The following SLC25A46 variants were observed in gnomAD, a reference collection of about 807,000 sequenced individuals.
SLC25A46 encodes the protein solute carrier family 25 member 46, also known as mitochondrial outer membrane protein SLC25A46.
Under a neutral mutation model 44.6 loss-of-function variants are expected in SLC25A46, and 39 were observed. The observed-to-expected ratio is 0.87, with a 90% confidence interval of 0.68 to 1.14. The LOEUF (loss-of-function observed/expected upper bound fraction) is 1.14, where lower values mean the gene tolerates loss of function less well. Among genes scored for constraint, SLC25A46 ranks in the 50% most tolerant of loss-of-function variants. SLC25A46 has a pLI of 0.00. For missense variants in SLC25A46, 547 were observed against 522.7 expected (o/e 1.05, Z -0.45); for synonymous variants, 202 against 185.8 (o/e 1.09, Z -0.71).
chr5:110,759,525 G>A (rs1237917378), intron 7 of SLC25A46, among the ~76,000 whole-genome samples: 6 of 152,208 alleles, frequency 3.9e-5, no homozygotes, highest in African/African-American at 1.4e-4. Flanking sequence ...AAACTCTCAA[G>A]TGGGACTGTG....
rs116306815 is a variant in SLC25A46 at position 110,739,762 on chromosome 5, A to G, written c.283+360A>G. ...TTTTCTTGATTTAATTAATTAATTA[A>G]TGTGTTTACTTGTAGTTTTGTGTTC... is the stretch of plus-strand genomic sequence containing the variant. On this transcript the variant is annotated intron_variant, in intron 1 of 7. Transcript: ENST00000355943. Among the ~76,000 whole-genome samples the G allele has an allele frequency of 6.9e-3, 1,047 of 151,468 alleles. 16 individuals carry two copies. The highest frequency in any genetic ancestry group is 0.024 in the African/African-American group (1,007 of 41,438).
rs756258729 is a variant in SLC25A46 at position 110,743,774 on chromosome 5, G to A, written c.371G>A (p.Arg124His). 2.6e-5 allele frequency: 41 copies of A among 1,604,410 alleles called. No homozygotes were observed. Among genetic ancestry groups the A allele is most frequent in the Non-Finnish European group, 3.4e-5 (40 of 1,174,154 alleles). The change falls in exon 3 of 8, where the codon CGC becomes CAC. Residue 124 changes from arginine (R) to histidine (H), a missense_variant. Arg to His is a conservative substitution (Grantham distance 29). Transcript: ENST00000355943. ...NVLAHPCIVL[R>H]RQCQVNYHAQ... ...TTGGCACATCCTTGCATTGTTCTAC[G>A]CCGCCAATGTCAGGTAAATGTAATT...
In SLC25A46 at chr5:110,761,070, TAA is replaced by T. The variant is rs1284329417; in HGVS notation, c.679-132_679-131del. The T allele has an allele frequency of 2.9e-6, 2 of 696,094 alleles. No homozygotes were observed. Among genetic ancestry groups the T allele is most frequent in the Admixed American group, 2.9e-5 (1 of 34,026 alleles). 43.1% of individuals were successfully genotyped at this position (696,094 alleles called of 1,614,324 possible). ...AAAAATCTGATGCCTAGATAACAGT[TAA>T]AGTCTGCAAATCATGGATGTTTCCC... On this transcript the variant is annotated intron_variant, in intron 7 of 7. Transcript: ENST00000355943. The surrounding 1 kb of genome is among the most constrained non-coding windows in gnomAD (Gnocchi z 5.3).
intron 4 of SLC25A46, among the ~76,000 whole-genome samples, chr5:110,746,903 G>A (rs1364358712): frequency 3.3e-5 from 5 of 152,092 alleles, no homozygotes; most frequent in African/African-American, 7.2e-5. Flanking sequence ...TTGAAGTGGG[G>A]GTTGAAGAGT....
chr5:110,746,544 A>G (rs2150410528), intron 4 of SLC25A46, among the ~76,000 whole-genome samples, 198 bp downstream of exon 4: 1 of 152,320 alleles, frequency 6.6e-6, no homozygotes. Flanking sequence ...ATTTAGCAAA[A>G]CCACAAAGAG....
chr5:110,738,956 T>C (rs1799506509), upstream of SLC25A46: 1 of 1,442,212 alleles, frequency 6.9e-7, no homozygotes, highest in Non-Finnish European at 9.1e-7. Context: ...GAAGAGGCTA[T>C]AATCACGTGC....
At position 110,750,965 on chromosome 5, in the gene SLC25A46, A is replaced by G. The variant is rs184542059; in HGVS notation, c.563+2702A>G. Among the ~76,000 whole-genome samples, 136 of 152,338 alleles carry G rather than the reference A, an allele frequency of 8.9e-4. 1 individual carries two copies. The highest frequency in any genetic ancestry group is 6.9e-4 in the Non-Finnish European group (47 of 68,028). On this transcript the variant is annotated intron_variant, in intron 5 of 7. Transcript: ENST00000355943. ...AAGGCATAGGACTTTATAAAATTTT[A>G]TCATCTAACTTTCTTACTCAGTAGA...
intron 5 of SLC25A46, among the ~76,000 whole-genome samples, chr5:110,751,277 A>G (rs1331684003): frequency 6.6e-6 from 1 of 152,222 alleles, no homozygotes; most frequent in African/African-American, 2.4e-5. Flanking sequence ...TCCATTAATG[A>G]ATAATTGCAA....
chr5:110,741,516 G>A (rs1799689645), intron 1 of SLC25A46, among the ~76,000 whole-genome samples: 1 of 152,200 alleles, frequency 6.6e-6, no homozygotes. Context: ...GTCAGTAACA[G>A]TGAATAACTA....
Position 110,762,306 on chromosome 5 carries a change from A to C in SLC25A46, c.*524A>C, listed in dbSNP as rs1360405413. 1.3e-5 allele frequency: 2 copies of C among 153,200 alleles called. No homozygotes were observed. 9.5% of individuals were successfully genotyped at this position (153,200 alleles called of 1,614,324 possible). ...TTGGCAATCTGTAAGCAGGAGTATA[A>C]ATGTTTTAAATTGCATTGTCCCTAT... On this transcript the variant is annotated 3_prime_UTR_variant, in exon 8 of 8. Transcript: ENST00000355943.
chr5:110,758,199 T>C (rs939512500), intron 7 of SLC25A46, among the ~76,000 whole-genome samples: 3 of 152,142 alleles, frequency 2.0e-5, no homozygotes, highest in East Asian at 3.9e-4. Context: ...CCATCTCTTG[T>C]CTTATACCTT....
At chr5:110,745,030 C>T (rs566115841) in intron 3 of SLC25A46, among the ~76,000 whole-genome samples, 11 of 152,238 alleles carry the variant, frequency 7.2e-5, no homozygotes, top group African/African-American at 2.2e-4. Context: ...ACTGTAAGTA[C>T]GAAAATACAG....
At chr5:110,749,584 A>T (rs1163707176) in intron 5 of SLC25A46, among the ~76,000 whole-genome samples, 1 of 152,056 alleles carries the variant, frequency 6.6e-6, no homozygotes, top group African/African-American at 2.4e-5. Context: ...ATAGCATAAG[A>T]TGTAGGACAA....
chr5:110,755,920 C>T (rs990223462), intron 6 of SLC25A46: 1 of 153,182 alleles, frequency 6.5e-6, no homozygotes, highest in Non-Finnish European at 1.5e-5. Flanking sequence ...CCTGAAGGCA[C>T]TTAGTGATTT....
At chr5:110,756,811 C>T (rs748322449) in intron 7 of SLC25A46, 52 bp downstream of exon 7, 2 of 1,324,784 alleles carry the variant, frequency 1.5e-6, no homozygotes, top group Non-Finnish European at 2.0e-6. Context: ...AGTTTTTTGA[C>T]TATTCAGTAT....
In SLC25A46 at chr5:110,743,746, G is replaced by A; in HGVS notation, c.343G>A (p.Val115Ile). ...TTTATATAGTCTCTTTACAGAAAAT[G>A]TATTGGCACATCCTTGCATTGTTCT... ...IGLASLFTEN[V>I]LAHPCIVLRR... The change falls in exon 3 of 8, where the codon GTA (valine) becomes ATA (isoleucine). Residue 115 changes from valine to isoleucine, a missense_variant. Transcript: ENST00000355943. 6.2e-7 allele frequency: 1 copy of A among 1,601,216 alleles called. No individual in the cohort carries two copies. Among genetic ancestry groups the A allele is most frequent in the African/African-American group, 1.3e-5 (1 of 74,720 alleles).
chr5:110,748,404 A>G (rs190169958), intron 5 of SLC25A46, 141 bp downstream of exon 5: 32 of 636,178 alleles, frequency 5.0e-5, no homozygotes, highest in African/African-American at 4.5e-4. Flanking sequence ...TCATCCAACA[A>G]TTCTCAATTG....
At chr5:110,738,870 C>T (rs781117416), upstream of SLC25A46, 9 of 850,600 alleles carry the variant, frequency 1.1e-5, no homozygotes, top group Non-Finnish European at 1.6e-5. Context: ...CCCACCTATT[C>T]CCTAACGACA....
Position 110,743,738 on chromosome 5 carries a change from C to T in SLC25A46, c.335C>T (p.Thr112Ile). Residue 112 changes from threonine (T) to isoleucine (I), a missense_variant, in exon 3 of 8, where the codon ACA becomes ATA. Thr to Ile is a moderately conservative substitution (Grantham distance 89). Coordinates refer to ENST00000355943, the MANE Select transcript of SLC25A46 (RefSeq NM_138773.4). ...AAATTATTTTTATATAGTCTCTTTACAGAAAATGTATTGGCACATCCTTGC... is the reference window on the plus strand; with the variant it reads ...AAATTATTTTTATATAGTCTCTTTATAGAAAATGTATTGGCACATCCTTGC... Reference protein sequence around the residue: ...GFGIGLASLFTENVLAHPCIV... With the variant: ...GFGIGLASLFIENVLAHPCIV... 6.3e-7 allele frequency: 1 copy of T among 1,594,970 alleles called. No individual in the cohort carries two copies. Among genetic ancestry groups the T allele is most frequent in the Non-Finnish European group, 8.6e-7 (1 of 1,167,046 alleles).
Sources: allele counts gnomAD v4.1 joint callset (sites outside exome capture counted in the v4.1 genomes callset), GRCh38; gene constraint gnomAD v4.1.1; non-coding constraint Gnocchi (gnomAD v3.1); transcripts MANE v1.5; gene names NCBI Gene and HGNC (gene_info 2026-07-23, HGNC 2026-07-21).